VWCE: variants seen among roughly 807,000 people sequenced by gnomAD.
VWCE encodes the protein von Willebrand factor C and EGF domains.
Under a neutral mutation model 102.9 loss-of-function variants are expected in VWCE, and 68 were observed. The ratio of observed to expected loss-of-function variants is 0.66; its 90% confidence interval spans 0.54 to 0.81. VWCE has a LOEUF of 0.81. VWCE is among the 30% of genes least tolerant of loss of function. The pLI, the probability that VWCE is intolerant of heterozygous loss-of-function variation, is 0.00. For synonymous variants in VWCE, 497 were observed against 515.4 expected (o/e 0.96, Z 0.48); for missense variants, 1,137 against 1,263.6 (o/e 0.90, Z 1.52).
chr11:61,259,415 G>C, intron 19 of VWCE, 103 bp from the exon 20 acceptor site: 1 of 1,427,698 alleles, frequency 7.0e-7, no homozygotes, highest in Non-Finnish European at 9.3e-7. Flanking sequence ...TGTCCTCAGA[G>C]GGGCCTCAGC....
chr11:61,263,779 C>T (rs1854424718), intron 19 of VWCE, among the ~76,000 whole-genome samples: 1 of 152,152 alleles, frequency 6.6e-6, no homozygotes, highest in African/African-American at 2.4e-5. Flanking sequence ...AAGAGTATTG[C>T]AGGGGTGTAG....
At chr11:61,291,054 CA>C in intron 3 of VWCE, 127 bp from the exon 4 acceptor site, 1 of 1,417,330 alleles carries the variant, frequency 7.1e-7, no homozygotes, top group Non-Finnish European at 9.4e-7. Flanking sequence ...GGTTTAAATC[CA>C]GCTCTGCCAT....
At position 61,281,201 on chromosome 11, in the gene VWCE, G is replaced by C; in HGVS notation, c.822C>G (p.Ile274Met). 1 of 1,613,132 alleles carries C rather than the reference G, an allele frequency of 6.2e-7. No homozygotes were observed. The highest frequency in any genetic ancestry group is 1.1e-5 in the South Asian group (1 of 91,038). ...FPKAVLAPSAILQPRQHPSKM... is the reference protein window; with the variant it reads ...FPKAVLAPSAMLQPRQHPSKM... ...TGGACGGGTGTTGCCGGGGTTGCAG[G>C]ATGGCAGATGGGGCCAGCACGGCTT... Residue 274 changes from isoleucine to methionine, a missense_variant, in exon 8 of 20, where the codon ATC becomes ATG. Transcript: ENST00000335613.
chr11:61,278,248 A>T, intron 10 of VWCE, 146 bp downstream of exon 10: 1 of 857,948 alleles, frequency 1.2e-6, no homozygotes. Context: ...TTTAAATTCT[A>T]CAGCTTCTAA....
intron 4 of VWCE, among the ~76,000 whole-genome samples, chr11:61,286,805 A>G (rs1257399210): frequency 1.4e-5 from 2 of 144,712 alleles, no homozygotes; most frequent in African/African-American, 2.6e-5. Flanking sequence ...CCATCTCAGG[A>G]AAAAAAAGAA....
intron 19 of VWCE, 91 bp downstream of exon 19, chr11:61,264,391 CTCTTA>C: frequency 7.8e-7 from 1 of 1,284,122 alleles, no homozygotes; most frequent in Non-Finnish European, 1.1e-6. Context: ...ACATGGCTTT[CTCTTA>C]TCCAGCCCTT....
In VWCE at chr11:61,270,147, C is replaced by T. The variant is rs1854638816; in HGVS notation, c.1786-1129G>A. Among the ~76,000 whole-genome samples the T allele has an allele frequency of 2.0e-5, 3 of 152,066 alleles. No homozygotes were observed. The South Asian group carries it at 6.2e-4, about 32-fold the overall frequency. ...TGTTAGCCAGGATGGTCTCAATCTCCTGACCTCATGATCCACCTGCCTCGG... is the reference window on the plus strand; with the variant it reads ...TGTTAGCCAGGATGGTCTCAATCTCTTGACCTCATGATCCACCTGCCTCGG... On this transcript the variant is annotated intron_variant, in intron 14 of 19. Coordinates refer to ENST00000335613, the MANE Select transcript of VWCE (RefSeq NM_152718.2).
chr11:61,288,270 G>A (rs550710549), intron 4 of VWCE, among the ~76,000 whole-genome samples: 2 of 152,048 alleles, frequency 1.3e-5, no homozygotes, highest in African/African-American at 4.8e-5. Context: ...GATAGGAGCT[G>A]GGAGACAGAT....
chr11:61,273,369 C>A, intron 12 of VWCE, 53 bp from the exon 13 acceptor site: 1 of 1,526,564 alleles, frequency 6.6e-7, no homozygotes, highest in East Asian at 2.3e-5. Context: ...GCCTGGGGAC[C>A]ATGGAGAGCT....
chr11:61,268,066 G>C (rs921786380), intron 15 of VWCE, among the ~76,000 whole-genome samples: 2 of 151,230 alleles, frequency 1.3e-5, no homozygotes, highest in African/African-American at 4.9e-5. Flanking sequence ...GACAGTAGGG[G>C]AAGCTTTAAA....
At chr11:61,284,720 G>A (rs1855260426) in intron 5 of VWCE, among the ~76,000 whole-genome samples, 1 of 152,090 alleles carries the variant, frequency 6.6e-6, no homozygotes, top group African/African-American at 2.4e-5. Context: ...GGCCAAGGCG[G>A]GCAGATCATT....
intron 5 of VWCE, among the ~76,000 whole-genome samples, chr11:61,283,407 T>TTTGTTG (rs999017292): frequency 6.6e-6 from 1 of 152,112 alleles, no homozygotes; most frequent in South Asian, 2.1e-4. Flanking sequence ...TAAATTCTTT[T>TTTGTTG]TTGTTGTTGT....
chr11:61,259,396 C>T, intron 19 of VWCE, 84 bp from the exon 20 acceptor site: 1 of 1,486,494 alleles, frequency 6.7e-7, no homozygotes, highest in Non-Finnish European at 8.9e-7. Context: ...ACCAGGGACA[C>T]CCAAGCTCTG....
chr11:61,286,379 T>C lies in VWCE; in HGVS notation c.476A>G (p.Glu159Gly). Residue 159 changes from glutamate (E) to glycine (G), a missense_variant, in exon 5 of 20, where the codon GAA becomes GGA. Transcript: ENST00000335613. Reference protein sequence around the residue: ...SSCEGHCVNTEGGFVCECGPG... With the variant: ...SSCEGHCVNTGGGFVCECGPG... ...CCCACACTCGCACACAAACCCACCT[T>C]CTGTGTTCACACAGTGGCCCTCGCA... 4 of 1,612,908 alleles carry C rather than the reference T, an allele frequency of 2.5e-6. No individual in the cohort carries two copies. Among genetic ancestry groups the C allele is most frequent in the Non-Finnish European group, 3.4e-6 (4 of 1,180,032 alleles).
Position 61,260,288 on chromosome 11 carries a change from G to T in VWCE, c.2231-976C>A, listed in dbSNP as rs145396663. 1.9e-3 allele frequency among the ~76,000 whole-genome samples: 292 copies of T among 151,938 alleles called. 10 individuals carry two copies. In the East Asian group the frequency reaches 0.03, roughly 16 times the overall value. Reference sequence around the variant, plus strand: ...TTAAAAAAAGGCTTTTTTTTGGGGTGGGGGGGACAGGTTCTCACTCACTTG... The same window carrying T: ...TTAAAAAAAGGCTTTTTTTTGGGGTTGGGGGGACAGGTTCTCACTCACTTG... On this transcript the variant is annotated intron_variant, in intron 19 of 19. Coordinates refer to ENST00000335613, the MANE Select transcript of VWCE (RefSeq NM_152718.2).
At chr11:61,279,852 G>A (rs1855060320) in intron 9 of VWCE, among the ~76,000 whole-genome samples, 1 of 151,918 alleles carries the variant, frequency 6.6e-6, no homozygotes, top group Non-Finnish European at 1.5e-5. Context: ...CAATCTCCCA[G>A]GCAGGTAAGA....
chr11:61,263,357 G>A (rs571431221), intron 19 of VWCE, among the ~76,000 whole-genome samples: 1 of 151,806 alleles, frequency 6.6e-6, no homozygotes, highest in African/African-American at 2.4e-5. Flanking sequence ...GATGAAACTG[G>A]AGGACATTAT....
At chr11:61,290,766 C>G in intron 4 of VWCE, 33 bp downstream of exon 4, 3 of 1,582,284 alleles carry the variant, frequency 1.9e-6, no homozygotes, top group Non-Finnish European at 2.6e-6. Flanking sequence ...CGCTGTCCCC[C>G]TCCCCCTCCC....
Position 61,271,743 on chromosome 11 carries a change from T to C in VWCE, c.1717A>G (p.Asn573Asp). 5.6e-6 allele frequency: 9 copies of C among 1,613,518 alleles called. No homozygotes were observed. Among genetic ancestry groups the C allele is most frequent in the Non-Finnish European group, 7.6e-6 (9 of 1,179,776 alleles). Residue 573 changes from asparagine (N) to aspartate (D), a missense_variant, in exon 14 of 20, where the codon AAC becomes GAC. Physicochemically the swap from Asn to Asp is conservative, Grantham distance 23. Coordinates refer to ENST00000335613, the MANE Select transcript of VWCE (RefSeq NM_152718.2). ...TGTCCAATCGGAAACTCAACCCCGT[T>C]GTCGTCAAGAGAGCAGCCTGGATGA... The part of the protein sequence containing the change: ...TPSTGCSLDD[N>D]GVEFPIGQIW...
Sources: allele counts gnomAD v4.1 joint callset (sites outside exome capture counted in the v4.1 genomes callset), GRCh38; gene constraint gnomAD v4.1.1; transcripts MANE v1.5; gene names NCBI Gene and HGNC (gene_info 2026-07-23, HGNC 2026-07-21).